Variants in ITGB8 observed in about 807,000 individuals in gnomAD.
The protein encoded by ITGB8 is integrin subunit beta 8, also known as integrin beta-8.
ITGB8 carries 30 observed loss-of-function variants against 89.5 expected under a neutral mutation model. The ratio of observed to expected loss-of-function variants is 0.34; its 90% CI spans 0.25 to 0.45. The LOEUF (loss-of-function observed/expected upper bound fraction) is 0.45, where lower values mean the gene tolerates loss of function less well. Among genes scored for constraint, ITGB8 ranks in the 20% least tolerant of loss-of-function variants. The pLI, the probability that ITGB8 is intolerant of heterozygous loss-of-function variation, is 1.00. For missense variants in ITGB8, 836 were observed against 933.3 expected, an observed-to-expected ratio of 0.90 and a Z score of 1.36; for synonymous variants, 335 against 320.4, an observed-to-expected ratio of 1.05 and a Z score of -0.49.
At chr7:20,367,959 T>C (rs1160100559) in intron 3 of ITGB8, among the ~76,000 whole-genome samples, 1 of 152,192 alleles carries the variant, frequency 6.6e-6, no homozygotes, top group Admixed American at 6.5e-5. Context: ...ATTGGATGCA[T>C]GTAGTTTAAC....
At chr7:20,376,801 C>T (rs1159215022) in intron 3 of ITGB8, among the ~76,000 whole-genome samples, 1 of 152,116 alleles carries the variant, frequency 6.6e-6, no homozygotes, top group African/African-American at 2.4e-5. Context: ...TTCTTGCTAG[C>T]GATTACTAAA....
At chr7:20,400,185 G>A (rs932550396) in intron 9 of ITGB8, among the ~76,000 whole-genome samples, 2 of 152,154 alleles carry the variant, frequency 1.3e-5, no homozygotes, top group African/African-American at 2.4e-5. Flanking sequence ...CATTTTGGAA[G>A]AATGGTTTTT....
chr7:20,377,405 A>G (rs1214777100), intron 3 of ITGB8: 1 of 152,144 alleles, frequency 6.6e-6, no homozygotes, highest in Non-Finnish European at 1.5e-5. Context: ...TGAGTGAAAA[A>G]CAAAACCAAA....
At chr7:20,391,351 A>C in intron 6 of ITGB8, 52 bp from the exon 7 acceptor site, 1 of 935,716 alleles carries the variant, frequency 1.1e-6, no homozygotes, top group Admixed American at 2.3e-5. Flanking sequence ...ATGTTTGAAT[A>C]GGATGGAGCT....
intron 3 of ITGB8, 62 bp downstream of exon 3, chr7:20,367,248 T>G: frequency 8.2e-7 from 1 of 1,219,820 alleles, no homozygotes; most frequent in Non-Finnish European, 1.2e-6. Flanking sequence ...TTTACTTTAA[T>G]TTGCTCATTT....
At chr7:20,366,918 T>C (rs1465036108) in intron 2 of ITGB8, 94 bp from the exon 3 acceptor site, 1 of 831,714 alleles carries the variant, frequency 1.2e-6, no homozygotes, top group East Asian at 2.7e-5. Flanking sequence ...TAAAATGATA[T>C]AAAATACCAA....
chr7:20,371,611 TATC>T (rs768994878), intron 3 of ITGB8, among the ~76,000 whole-genome samples: 7 of 152,176 alleles, frequency 4.6e-5, no homozygotes, highest in African/African-American at 1.7e-4. Flanking sequence ...CTGAATATAA[TATC>T]ATAACAATGA....
In ITGB8 at chr7:20,394,838, G is replaced by T; in HGVS notation, c.1057-58G>T. ...CTACAAAAATATTTACTATTTGTTG[G>T]TTGCTAACCCATTACATACTATTGT... On this transcript the variant is annotated intron_variant, in intron 7 of 13. Coordinates refer to ENST00000222573, the MANE Select transcript of ITGB8 (RefSeq NM_002214.3). 4.4e-6 allele frequency: 5 copies of T among 1,131,150 alleles called. No individual in the cohort carries two copies. In the South Asian group the frequency reaches 5.0e-5, roughly 11 times the overall value. The allele number at this position is 1,131,150 out of a possible 1,614,324, so 70.1% of individuals were successfully genotyped here.
intron 6 of ITGB8, among the ~76,000 whole-genome samples, chr7:20,388,298 A>G (rs2127969840): frequency 6.6e-6 from 1 of 152,320 alleles, no homozygotes; most frequent in African/African-American, 2.4e-5. Flanking sequence ...CAGAAACAAT[A>G]TGTAATGGGT....
chr7:20,336,167 G>A (rs987313889), intron 1 of ITGB8, among the ~76,000 whole-genome samples: 12 of 151,762 alleles, frequency 7.9e-5, no homozygotes, highest in South Asian at 2.1e-4. Flanking sequence ...CACCACGCCC[G>A]GCTAATTTTT....
intron 1 of ITGB8, among the ~76,000 whole-genome samples, chr7:20,360,547 T>C (rs1444851775): frequency 6.6e-6 from 1 of 152,088 alleles, no homozygotes; most frequent in East Asian, 1.9e-4. Context: ...CCATTTTGTA[T>C]GTCTTTGGGT....
intron 6 of ITGB8, among the ~76,000 whole-genome samples, chr7:20,387,373 G>A (rs1306774045): frequency 2.0e-5 from 3 of 152,134 alleles, no homozygotes; most frequent in African/African-American, 2.4e-5. Context: ...AAGGCTTTAC[G>A]AAGTTAACCT....
chr7:20,408,637 T>C (rs926161450), intron 12 of ITGB8, among the ~76,000 whole-genome samples: 2 of 152,142 alleles, frequency 1.3e-5, no homozygotes, highest in Non-Finnish European at 2.9e-5. Context: ...CACATGCCAC[T>C]TTAGCCACAA....
At chr7:20,374,018 C>G (rs1786036060) in intron 3 of ITGB8, among the ~76,000 whole-genome samples, 1 of 152,150 alleles carries the variant, frequency 6.6e-6, no homozygotes, top group South Asian at 2.1e-4. Flanking sequence ...TCTAATTCTG[C>G]CACAGACTCA....
chr7:20,372,498 T>A (rs1253328847), intron 3 of ITGB8, among the ~76,000 whole-genome samples: 2 of 151,988 alleles, frequency 1.3e-5, no homozygotes, highest in Non-Finnish European at 2.9e-5. Flanking sequence ...ATGAATGAAG[T>A]GGTGTTGATT....
Position 20,391,518 on chromosome 7 carries a change from GTTAAAA to G in ITGB8, c.1056+26_1056+31del. ...TATAAGGTATGTTAACTCTGAAAATGTTAAAATTAAATTTTTTTCATTGGTAATTGA... is the reference window on the plus strand; with the variant it reads ...TATAAGGTATGTTAACTCTGAAAATGTTAAATTTTTTTCATTGGTAATTGA... On this transcript the variant is annotated intron_variant, in intron 7 of 13. Coordinates refer to ENST00000222573, the MANE Select transcript of ITGB8 (RefSeq NM_002214.3). 5 of 1,349,546 alleles carry G rather than the reference GTTAAAA, an allele frequency of 3.7e-6. No individual in the cohort carries two copies. The highest frequency in any genetic ancestry group is 5.1e-6 in the Non-Finnish European group (5 of 975,628). 83.6% of individuals were successfully genotyped at this position (1,349,546 alleles called of 1,614,324 possible).
intron 3 of ITGB8, among the ~76,000 whole-genome samples, chr7:20,367,830 G>A (rs1156950336): frequency 6.6e-6 from 1 of 151,940 alleles, no homozygotes; most frequent in Non-Finnish European, 1.5e-5. Flanking sequence ...TTCACAGTTT[G>A]GCCTATGTTG....
At chr7:20,381,047 G>A (rs1021077330) in intron 5 of ITGB8, 73 of 461,894 alleles carry the variant, frequency 1.6e-4, no homozygotes, top group African/African-American at 1.3e-3. Flanking sequence ...AAGACAAAAG[G>A]GAAAGAATAG....
intron 5 of ITGB8, chr7:20,381,070 A>G (rs1018263402): frequency 3.8e-5 from 14 of 367,326 alleles, no homozygotes; most frequent in African/African-American, 2.7e-4. Flanking sequence ...TATGAACGCG[A>G]AAATTCTTTC....
Sources: allele counts gnomAD v4.1 joint callset (sites outside exome capture counted in the v4.1 genomes callset), GRCh38; gene constraint gnomAD v4.1.1; transcripts MANE v1.5; gene names NCBI Gene and HGNC (gene_info 2026-07-23, HGNC 2026-07-21).